Variants in CDH8 observed in about 807,000 individuals in gnomAD.
The protein encoded by CDH8 is cadherin-8.
A neutral mutation model predicts 68.1 loss-of-function variants in CDH8; 17 were observed. The observed-to-expected ratio is 0.25, with a 90% CI of 0.17 to 0.37. The LOEUF is 0.37. Ranked by LOEUF, CDH8 falls within the 10% of genes least tolerant of loss-of-function variation. CDH8 has a pLI of 1.00. For missense variants in CDH8, 763 were observed against 999.3 expected (o/e 0.76, Z 3.19); for synonymous variants, 372 against 365.1 (o/e 1.02, Z -0.21).
chr16:62,015,014 C>G (rs377754132), intron 2 of CDH8, among the ~76,000 whole-genome samples: 1 of 151,826 alleles, frequency 6.6e-6, no homozygotes, highest in African/African-American at 2.4e-5. Flanking sequence ...ACCCCCCCAC[C>G]ACAAACACAC....
At chr16:61,890,067 G>A (rs1024596490) in intron 3 of CDH8, among the ~76,000 whole-genome samples, 10 of 152,122 alleles carry the variant, frequency 6.6e-5, no homozygotes, top group South Asian at 2.1e-4. Context: ...GAGAAGGCTC[G>A]GTTGAAATGC....
intron 10 of CDH8, among the ~76,000 whole-genome samples, chr16:61,712,091 T>G (rs1255795058): frequency 6.6e-6 from 1 of 151,730 alleles, no homozygotes. Flanking sequence ...CCACATGACA[T>G]TAAGTATTCT....
At chr16:61,916,358 T>C (rs1033985733) in intron 2 of CDH8, among the ~76,000 whole-genome samples, 1 of 151,888 alleles carries the variant, frequency 6.6e-6, no homozygotes, top group Admixed American at 6.6e-5. Context: ...CTACCAAAAA[T>C]ACAAAAATTA....
chr16:61,759,331 AAAAGAAG>A (rs1960403212), intron 8 of CDH8, among the ~76,000 whole-genome samples: 1 of 152,078 alleles, frequency 6.6e-6, no homozygotes, highest in Non-Finnish European at 1.5e-5. Context: ...TTATTTTTTA[AAAAGAAG>A]AAAGAAGGAG....
rs553002770 is a variant in CDH8 at position 61,936,720 on chromosome 16, A to G, written c.253-35247T>C. On this transcript the variant is annotated intron_variant, in intron 2 of 11. Transcript: ENST00000577390. The stretch of plus-strand genomic sequence containing the variant: ...TCCAGAACTTAACTGATCAGTACAG[A>G]GGAGACAAAACTGAGGACTGCCACC... Among the ~76,000 whole-genome samples the G allele has an allele frequency of 5.1e-4, 77 of 152,292 alleles. 1 individual carries two copies. Among genetic ancestry groups the G allele is most frequent in the Admixed American group, 1.8e-3 (28 of 15,286 alleles).
chr16:61,891,518 A>G (rs1325541693), intron 3 of CDH8, among the ~76,000 whole-genome samples: 1 of 152,174 alleles, frequency 6.6e-6, no homozygotes, highest in African/African-American at 2.4e-5. Flanking sequence ...AGACCTTTGA[A>G]TAGCACAAAA....
chr16:61,970,571 ATAAC>A (rs1266034090), intron 2 of CDH8, among the ~76,000 whole-genome samples: 1 of 152,262 alleles, frequency 6.6e-6, no homozygotes, highest in Non-Finnish European at 1.5e-5. Context: ...GAGAAAATAA[ATAAC>A]TATTTTCCCT....
At chr16:61,715,323 G>A (rs1369361092) in intron 9 of CDH8, among the ~76,000 whole-genome samples, 1 of 151,574 alleles carries the variant, frequency 6.6e-6, no homozygotes, top group Non-Finnish European at 1.5e-5. Context: ...GGACTCTGGA[G>A]TTAAGCTTCC....
At chr16:61,913,433 A>G (rs1189542198) in intron 2 of CDH8, among the ~76,000 whole-genome samples, 2 of 152,196 alleles carry the variant, frequency 1.3e-5, no homozygotes, top group African/African-American at 2.4e-5. Context: ...GCCAGTGTTT[A>G]TAAGTAACTT....
At chr16:61,891,026 T>C (rs1358437855) in intron 3 of CDH8, among the ~76,000 whole-genome samples, 1 of 152,048 alleles carries the variant, frequency 6.6e-6, no homozygotes, top group Non-Finnish European at 1.5e-5. Flanking sequence ...AAGACTATAA[T>C]AAACTTTCCT....
Position 61,985,361 on chromosome 16 carries a change from A to G in CDH8, c.252+35791T>C, listed in dbSNP as rs184099446. Among the ~76,000 whole-genome samples the G allele has an allele frequency of 1.2e-4, 19 of 152,358 alleles. No individual in the cohort carries two copies. In the East Asian group the frequency reaches 2.3e-3, roughly 19 times the overall value. ...ACTCAGGCTCACTATCTACATGTCA[A>G]GTATTTAGCCACAAGTAGCTAATTG... On this transcript the variant is annotated intron_variant, in intron 2 of 11. Transcript: ENST00000577390.
intron 8 of CDH8, among the ~76,000 whole-genome samples, chr16:61,732,905 G>A (rs1198658149): frequency 4.6e-5 from 7 of 151,638 alleles, no homozygotes; most frequent in African/African-American, 1.5e-4. Context: ...AGTGTACTGG[G>A]CTAAGAAAAT....
chr16:61,855,389 A>G (rs1354977834), intron 4 of CDH8, among the ~76,000 whole-genome samples: 2 of 152,164 alleles, frequency 1.3e-5, no homozygotes, highest in African/African-American at 4.8e-5. Context: ...TTTATTCCTA[A>G]GAAACAAATT....
chr16:61,745,599 T>C (rs150196176), intron 8 of CDH8, among the ~76,000 whole-genome samples: 17 of 151,458 alleles, frequency 1.1e-4, no homozygotes, highest in Admixed American at 2.6e-4. Context: ...TTCTTTCTTT[T>C]TTTTTTTTTC....
chr16:61,768,310 C>CT lies in CDH8; in HGVS notation c.1414+21035_1414+21036insA, dbSNP rs1567461035. Among the ~76,000 whole-genome samples, 359 of 99,724 alleles carry CT rather than the reference C, an allele frequency of 3.6e-3. 3 individuals carry two copies. The highest frequency in any genetic ancestry group is 0.012 in the Middle Eastern group (2 of 172). The allele number at this position is 99,724 out of a possible 152,430, so 65.4% of individuals were successfully genotyped here. ...CTTCAGGCTCTCTCTCTGTGTCTCT[C>CT]CCTTTCTCTCTCTCTCTCTCTCTCT... On this transcript the variant is annotated intron_variant, in intron 8 of 11. Coordinates refer to ENST00000577390, the MANE Select transcript of CDH8 (RefSeq NM_001796.5).
At chr16:61,798,274 G>A (rs1406216750) in intron 7 of CDH8, among the ~76,000 whole-genome samples, 2 of 152,132 alleles carry the variant, frequency 1.3e-5, no homozygotes, top group East Asian at 3.9e-4. Flanking sequence ...AAGTTTTAGT[G>A]ACTGCCCCTT....
chr16:61,872,232 G>C (rs1290581752), intron 3 of CDH8, among the ~76,000 whole-genome samples: 1 of 152,158 alleles, frequency 6.6e-6, no homozygotes, highest in Non-Finnish European at 1.5e-5. Context: ...TCCGAGACAG[G>C]TCACAATCAA....
intron 2 of CDH8, among the ~76,000 whole-genome samples, chr16:62,007,975 C>T (rs1289981445): frequency 6.6e-6 from 1 of 151,786 alleles, no homozygotes; most frequent in African/African-American, 2.4e-5. Flanking sequence ...TTTTTTGAGT[C>T]AGGATCTTGC....
intron 2 of CDH8, among the ~76,000 whole-genome samples, chr16:61,981,679 TGTGCGCGCGC>T (rs1290088330): frequency 2.0e-5 from 3 of 148,142 alleles, no homozygotes; most frequent in Admixed American, 1.3e-4. Context: ...TGTGTGTGTG[TGTGCGCGCGC>T]GCGCGTGCGC....
Sources: gnomAD v4.1 joint callset for allele counts (sites outside exome capture counted in the v4.1 genomes callset) on GRCh38, gnomAD v4.1.1 for gene constraint, MANE v1.5 for transcripts, NCBI Gene and HGNC (gene_info 2026-07-23, HGNC 2026-07-21) for gene names.